ZNF704: variants seen among roughly 807,000 people sequenced by gnomAD.
ZNF704 encodes the protein zinc finger protein 704.
A neutral mutation model predicts 44.7 loss-of-function variants in ZNF704; 10 were observed. That is an observed-to-expected ratio of 0.22 (90% CI 0.14 to 0.38). ZNF704 has a LOEUF of 0.38. ZNF704 is among the 10% of genes least tolerant of loss of function. The pLI is 1.00. For missense variants in ZNF704, 390 were observed against 545.5 expected (o/e 0.71, Z 2.84); for synonymous variants, 211 against 207.6 (o/e 1.02, Z -0.14).
chr8:80,831,663 G>C (rs1179280179), intron 1 of ZNF704, among the ~76,000 whole-genome samples: 2 of 152,216 alleles, frequency 1.3e-5, no homozygotes, highest in African/African-American at 4.8e-5. Flanking sequence ...AGAGAAAGAA[G>C]AATCAGTATG....
chr8:80,643,883 G>A (rs970689732), intron 7 of ZNF704, among the ~76,000 whole-genome samples: 1 of 152,096 alleles, frequency 6.6e-6, no homozygotes, highest in Non-Finnish European at 1.5e-5. Context: ...GCTAGTAAGC[G>A]ACAATGACAC....
Position 80,693,030 on chromosome 8 carries a change from A to G in ZNF704, c.299T>C (p.Val100Ala). 6.2e-7 allele frequency: 1 copy of G among 1,614,142 alleles called. No homozygotes were observed. Among genetic ancestry groups the G allele is most frequent in the Non-Finnish European group, 8.5e-7 (1 of 1,180,012 alleles). The change falls in exon 3 of 9, where the codon GTT becomes GCT. Residue 100 changes from valine (V) to alanine (A), a missense_variant. Physicochemically the swap from Val to Ala is moderately conservative, Grantham distance 64. Around this residue, in one of 3 missense-constraint regions of ZNF704, gnomAD observed 305 missense variants for 435.7 expected, o/e 0.70. Coordinates refer to ENST00000327835, the MANE Select transcript of ZNF704 (RefSeq NM_001033723.3). The part of the protein sequence containing the change: ...VLTSLSTSPL[V>A]RSPPVRPNES... ...GTTCGGCCGCACGGGAGGACTTCGA[A>G]CCAAAGGGCTAGTCGACAAGCTGGT... is the stretch of plus-strand genomic sequence containing the variant.
chr8:80,669,196 T>TAC (rs931720159), intron 5 of ZNF704, among the ~76,000 whole-genome samples: 2 of 152,152 alleles, frequency 1.3e-5, no homozygotes, highest in Non-Finnish European at 2.9e-5. Flanking sequence ...ACAAATACCC[T>TAC]ACCTCCTGGC....
At chr8:80,761,997 G>A (rs543317354) in intron 2 of ZNF704, among the ~76,000 whole-genome samples, 1 of 152,172 alleles carries the variant, frequency 6.6e-6, no homozygotes, top group Non-Finnish European at 1.5e-5. Flanking sequence ...ACAAATGCAG[G>A]TGTACAAAAG....
At chr8:80,717,722 T>G (rs1014573993) in intron 2 of ZNF704, among the ~76,000 whole-genome samples, 1 of 152,204 alleles carries the variant, frequency 6.6e-6, no homozygotes, top group African/African-American at 2.4e-5. Context: ...TTTTCTCCTT[T>G]TTTACTTTAA....
chr8:80,829,026 C>T (rs755813538), intron 1 of ZNF704, among the ~76,000 whole-genome samples: 4 of 152,200 alleles, frequency 2.6e-5, no homozygotes, highest in Non-Finnish European at 4.4e-5. Flanking sequence ...GGAAGATTGT[C>T]ACCCACTTTG....
chr8:80,799,736 A>C (rs915655187), intron 2 of ZNF704, among the ~76,000 whole-genome samples: 1 of 152,208 alleles, frequency 6.6e-6, no homozygotes, highest in African/African-American at 2.4e-5. Context: ...CTGAAAACTC[A>C]AAAAGCCAGA....
intron 1 of ZNF704, among the ~76,000 whole-genome samples, chr8:80,838,642 AG>A (rs1808622071): frequency 7.2e-6 from 1 of 138,504 alleles, no homozygotes; most frequent in African/African-American, 2.8e-5. Flanking sequence ...AGAGTTAGGG[AG>A]GGGGAGGAGG....
chr8:80,841,939 C>T (rs1055887601), intron 1 of ZNF704, among the ~76,000 whole-genome samples: 5 of 152,136 alleles, frequency 3.3e-5, no homozygotes, highest in Admixed American at 1.3e-4. Flanking sequence ...AGGCACATGC[C>T]ACCACTCCTT....
intron 2 of ZNF704, among the ~76,000 whole-genome samples, chr8:80,742,396 A>C (rs1375775863): frequency 6.6e-6 from 1 of 152,186 alleles, no homozygotes; most frequent in African/African-American, 2.4e-5. Context: ...AACCAATGGA[A>C]ATTACTTAAA....
chr8:80,781,909 G>A (rs1377116549), intron 2 of ZNF704, among the ~76,000 whole-genome samples: 1 of 152,196 alleles, frequency 6.6e-6, no homozygotes, highest in Non-Finnish European at 1.5e-5. Context: ...AAGAATGGCT[G>A]GAGAATGATG....
chr8:80,821,254 C>A, intron 2 of ZNF704, 120 bp downstream of exon 2: 1 of 1,098,128 alleles, frequency 9.1e-7, no homozygotes, highest in Non-Finnish European at 1.3e-6. Flanking sequence ...GAAAAAATTT[C>A]TTGGCAGAAA....
chr8:80,841,673 G>T (rs1808681951), intron 1 of ZNF704, among the ~76,000 whole-genome samples: 1 of 152,158 alleles, frequency 6.6e-6, no homozygotes, highest in Admixed American at 6.5e-5. Flanking sequence ...CATTTAAGTA[G>T]ATAGCTACCC....
chr8:80,798,278 G>A (rs967634806), intron 2 of ZNF704, among the ~76,000 whole-genome samples: 34 of 147,558 alleles, frequency 2.3e-4, no homozygotes, highest in Non-Finnish European at 3.9e-4. Context: ...TTTTTGAGAT[G>A]GAGTTCTGCT....
chr8:80,743,582 C>CG (rs1806799446), intron 2 of ZNF704, among the ~76,000 whole-genome samples: 1 of 152,226 alleles, frequency 6.6e-6, no homozygotes, highest in Non-Finnish European at 1.5e-5. Flanking sequence ...TGCTGCCGCT[C>CG]GGCACACCCT....
intron 1 of ZNF704, among the ~76,000 whole-genome samples, chr8:80,832,266 T>TA (rs1186655481): frequency 6.6e-6 from 1 of 152,204 alleles, no homozygotes; most frequent in Non-Finnish European, 1.5e-5. Context: ...TGAATTTCTC[T>TA]AAATGGTATC....
intron 1 of ZNF704, among the ~76,000 whole-genome samples, chr8:80,841,094 A>C (rs985589039): frequency 6.6e-6 from 1 of 152,196 alleles, no homozygotes; most frequent in African/African-American, 2.4e-5. Flanking sequence ...ACTGCCTCCC[A>C]CCACAAAGGG....
intron 7 of ZNF704, among the ~76,000 whole-genome samples, chr8:80,647,179 C>T (rs1817846705): frequency 6.6e-6 from 1 of 152,190 alleles, no homozygotes; most frequent in African/African-American, 2.4e-5. Flanking sequence ...AATACGAAAT[C>T]ACACAAGATC....
chr8:80,677,771 G>T (rs929806377), intron 4 of ZNF704, among the ~76,000 whole-genome samples: 14 of 152,252 alleles, frequency 9.2e-5, no homozygotes, highest in South Asian at 6.2e-4. Context: ...CAGAAAGGTT[G>T]TGTTTTGGGA....
Sources: allele counts gnomAD v4.1 joint callset (sites outside exome capture counted in the v4.1 genomes callset), GRCh38; gene constraint gnomAD v4.1.1; regional missense constraint gnomAD v4.1.1; transcripts MANE v1.5; gene names NCBI Gene and HGNC (gene_info 2026-07-23, HGNC 2026-07-21).